The following RAP1A variants were observed in gnomAD, a reference collection of about 807,000 sequenced individuals.
RAP1A encodes the protein ras-related protein Rap-1A.
In RAP1A, 6 loss-of-function variants were observed where a neutral mutation model predicts 26.4. The observed-to-expected ratio is 0.23, with a 90% CI of 0.12 to 0.45. RAP1A has a LOEUF of 0.45. Among genes scored for constraint, RAP1A ranks in the 20% least tolerant of loss-of-function variants. RAP1A has a pLI of 0.99. For missense variants in RAP1A, 121 were observed against 217.2 expected (o/e 0.56, Z 2.78); for synonymous variants, 73 against 79.4 (o/e 0.92, Z 0.43).
At chr1:111,681,934 G>A (rs1032031832) in intron 1 of RAP1A, among the ~76,000 whole-genome samples, 1 of 152,124 alleles carries the variant, frequency 6.6e-6, no homozygotes, top group African/African-American at 2.4e-5. Context: ...AAACGTTAAG[G>A]CCAGCCATAG....
At chr1:111,688,815 T>G (rs1661577363) in intron 1 of RAP1A, among the ~76,000 whole-genome samples, 3 of 72,632 alleles carry the variant, frequency 4.1e-5, no homozygotes, top group South Asian at 4.7e-4. Context: ...TTTGTTTTTT[T>G]TTTTTTGTTT....
chr1:111,575,329 T>C (rs1224274110), intron 1 of RAP1A, among the ~76,000 whole-genome samples: 1 of 152,222 alleles, frequency 6.6e-6, no homozygotes, highest in Non-Finnish European at 1.5e-5. Flanking sequence ...AATTTTTGTA[T>C]GTTTAGTAGA....
chr1:111,650,652 A>G (rs1315320042), intron 1 of RAP1A: 2 of 152,146 alleles, frequency 1.3e-5, no homozygotes, highest in African/African-American at 4.8e-5. Context: ...TCCCCTACCA[A>G]ATTGGTACAT....
At chr1:111,649,142 G>T in intron 1 of RAP1A, 1 of 573,286 alleles carries the variant, frequency 1.7e-6, no homozygotes, top group Admixed American at 1.9e-5. Context: ...TGTGGGCATT[G>T]TCCACAGTAT....
At chr1:111,666,735 G>C (rs923998701) in intron 1 of RAP1A, among the ~76,000 whole-genome samples, 2 of 152,162 alleles carry the variant, frequency 1.3e-5, no homozygotes, top group Non-Finnish European at 2.9e-5. Flanking sequence ...TGACTCAAAG[G>C]GGTCAGGGAA....
chr1:111,679,817 A>G (rs1345975749), intron 1 of RAP1A, among the ~76,000 whole-genome samples: 4 of 152,168 alleles, frequency 2.6e-5, no homozygotes, highest in Non-Finnish European at 5.9e-5. Context: ...TGGCAAAGCC[A>G]CTGTAGCCAG....
At position 111,713,049 on chromosome 1, in the gene RAP1A, T is replaced by C. The variant is rs1662433456; in HGVS notation, c.*648T>C. On this transcript the variant is annotated 3_prime_UTR_variant, in exon 8 of 8. Coordinates refer to ENST00000369709, the MANE Select transcript of RAP1A (RefSeq NM_002884.4). ...TATACTAAACCAACTCTAATATTGCTTCTTGTGTTTTACTGTCAGATTAAA... is the reference window on the plus strand; with the variant it reads ...TATACTAAACCAACTCTAATATTGCCTCTTGTGTTTTACTGTCAGATTAAA... 6.6e-6 allele frequency: 1 copy of C among 152,616 alleles called. No homozygotes were observed. Among genetic ancestry groups the C allele is most frequent in the Non-Finnish European group, 1.5e-5 (1 of 67,978 alleles). 9.5% of individuals were successfully genotyped at this position (152,616 alleles called of 1,614,324 possible). A position where few individuals can be genotyped will look rare whatever the true frequency, so the allele number is the denominator to read the frequency against.
chr1:111,672,664 G>T (rs1453039702), intron 1 of RAP1A, among the ~76,000 whole-genome samples: 1 of 152,182 alleles, frequency 6.6e-6, no homozygotes, highest in East Asian at 1.9e-4. Flanking sequence ...AGGAAGCTCT[G>T]ATGCCTTTTC....
intron 1 of RAP1A, chr1:111,649,164 T>G: frequency 1.8e-6 from 1 of 554,116 alleles, no homozygotes; most frequent in South Asian, 1.4e-5. Context: ...TAAGAAGATC[T>G]GAGCTCTCAC....
chr1:111,656,285 C>T (rs149524696), intron 1 of RAP1A, among the ~76,000 whole-genome samples: 1 of 152,266 alleles, frequency 6.6e-6, no homozygotes, highest in African/African-American at 2.4e-5. Flanking sequence ...ACCTTAACCT[C>T]TAATGTCAAG....
intron 1 of RAP1A, among the ~76,000 whole-genome samples, chr1:111,600,638 C>T (rs1001349075): frequency 6.6e-6 from 1 of 152,214 alleles, no homozygotes; most frequent in African/African-American, 2.4e-5. Context: ...GATGGCCCCG[C>T]ACCACCATGT....
Position 111,678,588 on chromosome 1 carries a change from ACAT to A in RAP1A, c.-27-12742_-27-12740del, listed in dbSNP as rs556617145. Among the ~76,000 whole-genome samples, 853 of 152,350 alleles carry A rather than the reference ACAT, an allele frequency of 5.6e-3. 5 individuals are homozygous for A. The highest frequency in any genetic ancestry group is 0.019 in the African/African-American group (786 of 41,580). ...TACTGCTTGTAGGCTACAAACCTGT[ACAT>A]CATATTACTGTACAGAATACTGTAG... On this transcript the variant is annotated intron_variant, in intron 1 of 7. Coordinates refer to ENST00000369709, the MANE Select transcript of RAP1A (RefSeq NM_002884.4).
At chr1:111,578,420 T>A (rs970250548) in intron 1 of RAP1A, among the ~76,000 whole-genome samples, 10 of 151,158 alleles carry the variant, frequency 6.6e-5, no homozygotes, top group Non-Finnish European at 1.5e-4. Context: ...AAGAGGGGAG[T>A]GGTTTGGTCA....
At chr1:111,691,287 A>G in intron 1 of RAP1A, 47 bp from the exon 2 acceptor site, 1 of 1,386,744 alleles carries the variant, frequency 7.2e-7, no homozygotes, top group Non-Finnish European at 1.0e-6. Context: ...ACATTATTAG[A>G]CTGTTAGCAT....
chr1:111,666,069 A>T (rs116060508), intron 1 of RAP1A, among the ~76,000 whole-genome samples: 5,907 of 152,300 alleles, frequency 0.039, 162 homozygotes, highest in Middle Eastern at 0.1. Flanking sequence ...GTTTAAACTG[A>T]AATCAATAAA....
intron 1 of RAP1A, among the ~76,000 whole-genome samples, chr1:111,542,992 C>T (rs1170003219): frequency 2.0e-5 from 3 of 152,108 alleles, no homozygotes; most frequent in Non-Finnish European, 4.4e-5. Context: ...TGAGCCATGG[C>T]GCCCGGCCAT....
intron 1 of RAP1A, among the ~76,000 whole-genome samples, chr1:111,578,282 A>G (rs1658184768): frequency 6.6e-6 from 1 of 152,030 alleles, no homozygotes; most frequent in Non-Finnish European, 1.5e-5. Context: ...AGAGGTTTGA[A>G]GTTGCCAGAG....
chr1:111,620,550 G>A (rs1659165000), intron 1 of RAP1A, among the ~76,000 whole-genome samples: 1 of 152,130 alleles, frequency 6.6e-6, no homozygotes, highest in African/African-American at 2.4e-5. Flanking sequence ...GCTCACTTCT[G>A]TCAGGGTTCA....
chr1:111,567,971 A>G (rs1424099065), intron 1 of RAP1A, among the ~76,000 whole-genome samples: 2 of 152,202 alleles, frequency 1.3e-5, no homozygotes, highest in Non-Finnish European at 2.9e-5. Flanking sequence ...TTAGACAAAC[A>G]TGGTCCATTT....
Sources: allele counts gnomAD v4.1 joint callset (sites outside exome capture counted in the v4.1 genomes callset), GRCh38; gene constraint gnomAD v4.1.1; transcripts MANE v1.5; gene names NCBI Gene and HGNC (gene_info 2026-07-23, HGNC 2026-07-21).